Variants in MCC observed in about 807,000 individuals in gnomAD.
MCC encodes the protein colorectal mutant cancer protein.
A neutral mutation model predicts 116.2 loss-of-function variants in MCC; 90 were observed. The ratio of observed to expected loss-of-function variants is 0.77; its 90% confidence interval spans 0.65 to 0.92. The LOEUF is 0.92. Among genes scored for constraint, MCC ranks in the 40% least tolerant of loss-of-function variants. The pLI is 0.00. For missense variants in MCC, 1,516 were observed against 1,312.2 expected, an observed-to-expected ratio of 1.16 and a Z score of -2.40; for synonymous variants, 578 against 510.5, an observed-to-expected ratio of 1.13 and a Z score of -1.78.
At position 113,026,431 on chromosome 5, in the gene MCC, G is replaced by GA. The variant is rs1445113229; in HGVS notation, c.*870dup. On this transcript the variant is annotated 3_prime_UTR_variant, in exon 19 of 19. Coordinates refer to ENST00000408903, the MANE Select transcript of MCC (RefSeq NM_001085377.2). ...GCAATTATGTAGTGCCCTGGGGCGG[G>GA]AAGTGCTAATAATGTTTCTCAGCTC... 6.6e-6 allele frequency: 1 copy of GA among 152,250 alleles called. No homozygotes were observed. The highest frequency in any genetic ancestry group is 2.4e-5 in the African/African-American group (1 of 41,466). The allele number at this position is 152,250 out of a possible 1,614,324, so 9.4% of individuals were successfully genotyped here. A position where few individuals can be genotyped will look rare whatever the true frequency, so the allele number is the denominator to read the frequency against.
rs539749561 is a variant in MCC, at chr5:113,167,937, T to C, written c.628-16515A>G. On this transcript the variant is annotated intron_variant, in intron 3 of 18. Transcript: ENST00000408903. Reference sequence around the variant, plus strand: ...GACCCACTGCACCCAGTCAATACCATCCTTAAAAGAAACCAAAATTATTCA... The same window carrying C: ...GACCCACTGCACCCAGTCAATACCACCCTTAAAAGAAACCAAAATTATTCA... 3.1e-4 allele frequency among the ~76,000 whole-genome samples: 47 copies of C among 152,240 alleles called. 1 individual carries two copies. Among genetic ancestry groups the C allele is most frequent in the African/African-American group, 1.1e-3 (45 of 41,522 alleles).
At chr5:113,149,420 G>A (rs757930999) in intron 4 of MCC, among the ~76,000 whole-genome samples, 1 of 151,854 alleles carries the variant, frequency 6.6e-6, no homozygotes, top group Non-Finnish European at 1.5e-5. Flanking sequence ...TTTTATTTCA[G>A]TATGAAATAA....
At chr5:113,185,687 CTT>C (rs1200738539) in intron 3 of MCC, among the ~76,000 whole-genome samples, 2 of 152,190 alleles carry the variant, frequency 1.3e-5, no homozygotes, top group East Asian at 1.9e-4. Context: ...TTCAACCTCT[CTT>C]GAGTCATTGC....
intron 1 of MCC, among the ~76,000 whole-genome samples, chr5:113,452,837 A>C (rs1417784570): frequency 6.6e-6 from 1 of 152,242 alleles, no homozygotes; most frequent in Admixed American, 6.5e-5. Flanking sequence ...ATTTGGTCTC[A>C]GGTGATGTTG....
intron 2 of MCC, among the ~76,000 whole-genome samples, chr5:113,365,852 C>G (rs185042972): frequency 2.0e-5 from 3 of 152,108 alleles, no homozygotes; most frequent in Non-Finnish European, 4.4e-5. Flanking sequence ...GTGTTACATG[C>G]TTTTAAACAA....
chr5:113,240,300 T>C (rs542790240), intron 3 of MCC, among the ~76,000 whole-genome samples: 1 of 152,300 alleles, frequency 6.6e-6, no homozygotes, highest in South Asian at 2.1e-4. Context: ...TAGCCATGGG[T>C]AAGTCACTCC....
intron 3 of MCC, among the ~76,000 whole-genome samples, chr5:113,310,676 G>A (rs1399939454): frequency 6.6e-6 from 1 of 152,156 alleles, no homozygotes; most frequent in African/African-American, 2.4e-5. Context: ...TAGTGATAGA[G>A]AGGGAAATGT....
At position 113,023,083 on chromosome 5, in the gene MCC, A is replaced by C. The variant is rs1750264186; in HGVS notation, c.*4219T>G. ...TGTTTATATTTTAACAGCCACTGAGAGATCAGTGATGCTGTGGTGACAGCA... is the reference window on the plus strand; with the variant it reads ...TGTTTATATTTTAACAGCCACTGAGCGATCAGTGATGCTGTGGTGACAGCA... On this transcript the variant is annotated 3_prime_UTR_variant, in exon 19 of 19. Transcript: ENST00000408903. 1 of 152,326 alleles carries C rather than the reference A, an allele frequency of 6.6e-6. No individual in the cohort carries two copies. The highest frequency in any genetic ancestry group is 2.1e-4 in the South Asian group (1 of 4,828). 9.4% of individuals were successfully genotyped at this position (152,326 alleles called of 1,614,324 possible).
intron 3 of MCC, among the ~76,000 whole-genome samples, chr5:113,171,423 C>T (rs760311152): frequency 2.0e-5 from 3 of 151,728 alleles, no homozygotes; most frequent in East Asian, 2.0e-4. Context: ...TGCCACGACT[C>T]GGCTAACTGC....
In MCC at chr5:113,456,623, A is replaced by ATTTTTTTTTTT. The variant is rs34111159; in HGVS notation, c.170+31611_170+31621dup. 1.5e-3 allele frequency among the ~76,000 whole-genome samples: 75 copies of ATTTTTTTTTTT among 51,074 alleles called. 12 individuals carry two copies. Among genetic ancestry groups the ATTTTTTTTTTT allele is most frequent in the African/African-American group, 3.3e-3 (44 of 13,238 alleles). The allele number at this position is 51,074 out of a possible 152,430, so 33.5% of individuals were successfully genotyped here. On this transcript the variant is annotated intron_variant, in intron 1 of 18. Coordinates refer to ENST00000408903, the MANE Select transcript of MCC (RefSeq NM_001085377.2). The stretch of plus-strand genomic sequence containing the variant: ...AGTCACCCGCCACCATGCCCAGCTA[A>ATTTTTTTTTTT]TTTTTTTTTTTTTTTTTTTTTTTTT...
chr5:113,155,872 C>G (rs1438371702), intron 3 of MCC, among the ~76,000 whole-genome samples: 1 of 152,192 alleles, frequency 6.6e-6, no homozygotes, highest in Non-Finnish European at 1.5e-5. Flanking sequence ...TATTCCAGTT[C>G]CCATCCTTCA....
chr5:113,347,200 C>T (rs1318334295), intron 2 of MCC, among the ~76,000 whole-genome samples: 1 of 152,070 alleles, frequency 6.6e-6, no homozygotes, highest in Non-Finnish European at 1.5e-5. Context: ...TATTATAATA[C>T]TGCAATTGTG....
intron 3 of MCC, among the ~76,000 whole-genome samples, chr5:113,231,872 C>G (rs569071520): frequency 6.6e-6 from 1 of 152,238 alleles, no homozygotes; most frequent in South Asian, 2.1e-4. Flanking sequence ...ACATCCAAAT[C>G]ATTGTCTACC....
chr5:113,047,309 C>A (rs1752160944), intron 16 of MCC, among the ~76,000 whole-genome samples: 1 of 152,240 alleles, frequency 6.6e-6, no homozygotes, highest in Admixed American at 6.5e-5. Flanking sequence ...CTCTAGCACC[C>A]TGCCTTGGTT....
intron 1 of MCC, among the ~76,000 whole-genome samples, chr5:113,453,700 G>A (rs1052292955): frequency 6.6e-6 from 1 of 152,190 alleles, no homozygotes; most frequent in Non-Finnish European, 1.5e-5. Flanking sequence ...AGATCTCTGG[G>A]GTAAGGGTGC....
chr5:113,260,103 G>A lies in MCC; in HGVS notation c.627+80416C>T, dbSNP rs547603036. ...TCTGGAAAAAAAAAACTCCTTAAAC[G>A]CAGAAGTTCATCTAACTCAGCAGTA... is the stretch of plus-strand genomic sequence containing the variant. On this transcript the variant is annotated intron_variant, in intron 3 of 18. Coordinates refer to ENST00000408903, the MANE Select transcript of MCC (RefSeq NM_001085377.2). Among the ~76,000 whole-genome samples the A allele has an allele frequency of 2.1e-4, 32 of 151,632 alleles. 1 individual carries two copies. Among genetic ancestry groups the A allele is most frequent in the Non-Finnish European group, 3.4e-4 (23 of 67,902 alleles).
chr5:113,067,580 G>C (rs536438842), intron 13 of MCC, among the ~76,000 whole-genome samples: 1 of 152,328 alleles, frequency 6.6e-6, no homozygotes, highest in South Asian at 2.1e-4. Flanking sequence ...AGGTTGCAGT[G>C]AGCCAAGATT....
intron 9 of MCC, among the ~76,000 whole-genome samples, chr5:113,084,882 T>C (rs890609643): frequency 6.6e-6 from 1 of 152,220 alleles, no homozygotes. Context: ...CTGGAGCACT[T>C]GACAAAACGT....
At chr5:113,346,612 A>AAAC (rs142810210) in intron 2 of MCC, among the ~76,000 whole-genome samples, 31 of 127,534 alleles carry the variant, frequency 2.4e-4, no homozygotes, top group Middle Eastern at 4.1e-3. Flanking sequence ...AAAAACAAAC[A>AAAC]AACAACAACA....
Sources: allele counts gnomAD v4.1 joint callset (sites outside exome capture counted in the v4.1 genomes callset), GRCh38; gene constraint gnomAD v4.1.1; transcripts MANE v1.5; gene names NCBI Gene and HGNC (gene_info 2026-07-23, HGNC 2026-07-21).